DPP10: variants seen among roughly 807,000 people sequenced by gnomAD.
The protein encoded by DPP10 is inactive dipeptidyl peptidase 10.
DPP10 carries 33 observed loss-of-function variants against 120.9 expected under a neutral mutation model. The observed-to-expected ratio is 0.27, with a 90% CI of 0.21 to 0.37. The LOEUF (loss-of-function observed/expected upper bound fraction) is 0.37. Among genes scored for constraint, DPP10 ranks in the 10% least tolerant of loss-of-function variants. DPP10 has a pLI of 1.00. For missense variants in DPP10, 816 were observed against 942.8 expected (o/e 0.87, Z 1.76); for synonymous variants, 337 against 326.1 (o/e 1.03, Z -0.36).
At chr2:115,135,947 T>C (rs1253206038) in intron 1 of DPP10, among the ~76,000 whole-genome samples, 1 of 152,152 alleles carries the variant, frequency 6.6e-6, no homozygotes, top group Non-Finnish European at 1.5e-5. Context: ...GCTTGAGCAG[T>C]CAGGCTTGCT....
At chr2:115,836,119 GA>G in intron 21 of DPP10, 37 bp from the exon 22 acceptor site, 1 of 730,158 alleles carries the variant, frequency 1.4e-6, no homozygotes. Context: ...GTGTGTGTGA[GA>G]TATATATATA....
chr2:115,123,941 C>A (rs1033170654), intron 1 of DPP10, among the ~76,000 whole-genome samples: 2 of 151,144 alleles, frequency 1.3e-5, no homozygotes, highest in African/African-American at 4.9e-5. Flanking sequence ...AAATGCCTGT[C>A]TGATTATGCC....
At chr2:115,687,138 A>G (rs2091035556) in intron 5 of DPP10, among the ~76,000 whole-genome samples, 1 of 152,036 alleles carries the variant, frequency 6.6e-6, no homozygotes, top group Non-Finnish European at 1.5e-5. Context: ...GAATGCCTTA[A>G]TACAGATGTT....
chr2:114,985,532 G>A (rs1700343383), intron 1 of DPP10, among the ~76,000 whole-genome samples: 1 of 152,146 alleles, frequency 6.6e-6, no homozygotes, highest in African/African-American at 2.4e-5. Context: ...CAAAATGCCT[G>A]GCATGTAGTA....
intron 19 of DPP10, among the ~76,000 whole-genome samples, chr2:115,793,461 G>C: frequency 6.6e-6 from 1 of 151,888 alleles, no homozygotes; most frequent in East Asian, 1.9e-4. Flanking sequence ...ATTATAAATG[G>C]CAAAATTATA....
At chr2:114,719,496 TG>T (rs1287167153) in intron 1 of DPP10, among the ~76,000 whole-genome samples, 1 of 152,146 alleles carries the variant, frequency 6.6e-6, no homozygotes, top group Non-Finnish European at 1.5e-5. Context: ...AGGACGAAAG[TG>T]GTTTGCATGC....
intron 1 of DPP10, among the ~76,000 whole-genome samples, chr2:114,698,514 T>C (rs539197040): frequency 2.0e-5 from 3 of 152,134 alleles, no homozygotes; most frequent in Non-Finnish European, 4.4e-5. Context: ...TTATCTGTTA[T>C]GCAGCAATAA....
At chr2:115,704,827 T>C (rs1210755695) in intron 7 of DPP10, among the ~76,000 whole-genome samples, 1 of 152,016 alleles carries the variant, frequency 6.6e-6, no homozygotes, top group Non-Finnish European at 1.5e-5. Flanking sequence ...TGATTGCTAT[T>C]CAAAGATAAA....
intron 19 of DPP10, among the ~76,000 whole-genome samples, chr2:115,806,353 G>A (rs576905353): frequency 3.9e-5 from 6 of 151,940 alleles, no homozygotes; most frequent in African/African-American, 1.2e-4. Context: ...GCTATATGTC[G>A]GTTTACTAAG....
At chr2:115,729,114 T>G (rs180976342) in intron 8 of DPP10, among the ~76,000 whole-genome samples, 4 of 152,148 alleles carry the variant, frequency 2.6e-5, no homozygotes, top group African/African-American at 4.8e-5. Context: ...GAAAAAGAAA[T>G]ACACAGGTAA....
intron 3 of DPP10, among the ~76,000 whole-genome samples, chr2:115,458,924 A>T (rs2073798833): frequency 6.6e-6 from 1 of 152,146 alleles, no homozygotes; most frequent in East Asian, 1.9e-4. Flanking sequence ...ATTTAATCAC[A>T]AGGAATATTA....
chr2:115,753,260 T>C lies in DPP10; in HGVS notation c.1037T>C (p.Leu346Pro). ...AACCGAGCTCAGAACATCTCCATCC[T>C]CACAGTCTGTGAGACCACTACAGGT... ...WLNRAQNISI[L>P]TVCETTTGAC... is the part of the protein sequence containing the mutation. The change falls in exon 11 of 26, where the codon CTC becomes CCC. Residue 346 changes from leucine to proline, a missense_variant. By Grantham distance (98) the Leu-to-Pro change is moderately conservative. This residue lies in a region of DPP10 where 592 missense variants were observed against 649.0 expected (regional missense o/e 0.91). Coordinates refer to ENST00000410059, the MANE Select transcript of DPP10 (RefSeq NM_020868.6). 1 of 1,611,462 alleles carries C rather than the reference T, an allele frequency of 6.2e-7. No homozygotes were observed. Among genetic ancestry groups the C allele is most frequent in the Non-Finnish European group, 8.5e-7 (1 of 1,178,310 alleles).
At chr2:114,532,296 T>TATATATATATATATATATAC (rs1342125338) in intron 1 of DPP10, among the ~76,000 whole-genome samples, 2 of 74,750 alleles carry the variant, frequency 2.7e-5, no homozygotes, top group African/African-American at 6.6e-5. Flanking sequence ...TATATATATA[T>TATATATATATATATATATAC]ACACACACAC....
intron 1 of DPP10, among the ~76,000 whole-genome samples, chr2:115,144,527 T>C (rs752294037): frequency 5.3e-5 from 8 of 151,336 alleles, no homozygotes; most frequent in Non-Finnish European, 1.0e-4. Flanking sequence ...AATCAGAAAA[T>C]TAGGCAGGGT....
chr2:114,487,831 A>G (rs1396105973), intron 1 of DPP10, among the ~76,000 whole-genome samples: 1 of 152,212 alleles, frequency 6.6e-6, no homozygotes, highest in Non-Finnish European at 1.5e-5. Flanking sequence ...TCAATATCTA[A>G]AAAGAAAAAT....
chr2:115,162,120 C>G, intron 1 of DPP10: 1 of 1,517,430 alleles, frequency 6.6e-7, no homozygotes, highest in Non-Finnish European at 8.8e-7. Flanking sequence ...TGGGCTCCCG[C>G]GCCTCCCTCT....
intron 1 of DPP10, among the ~76,000 whole-genome samples, chr2:115,012,806 A>G (rs1702361467): frequency 6.6e-6 from 1 of 152,206 alleles, no homozygotes; most frequent in African/African-American, 2.4e-5. Context: ...CCAGCAATAG[A>G]TCCAAAGCAA....
At chr2:115,571,887 G>T (rs185645527) in intron 5 of DPP10, among the ~76,000 whole-genome samples, 6 of 151,550 alleles carry the variant, frequency 4.0e-5, no homozygotes, top group African/African-American at 1.5e-4. Context: ...GTAAAATTAT[G>T]CAGTCCTGAA....
chr2:114,827,292 G>C (rs1485649403), intron 1 of DPP10, among the ~76,000 whole-genome samples: 1 of 152,158 alleles, frequency 6.6e-6, no homozygotes, highest in Admixed American at 6.5e-5. Context: ...CATAATCAAT[G>C]CTGGGCAGGT....
Sources: allele counts gnomAD v4.1 joint callset (sites outside exome capture counted in the v4.1 genomes callset), GRCh38; gene constraint gnomAD v4.1.1; regional missense constraint gnomAD v4.1.1; transcripts MANE v1.5; gene names NCBI Gene and HGNC (gene_info 2026-07-23, HGNC 2026-07-21).